The following NADK variants were observed in gnomAD, a reference collection of about 807,000 sequenced individuals.
NADK encodes NAD kinase, also known as poly(P)/ATP NAD kinase.
A neutral mutation model predicts 49.8 loss-of-function variants in NADK; 22 were observed. The ratio of observed to expected loss-of-function variants is 0.44; its 90% CI spans 0.32 to 0.63. NADK has a LOEUF of 0.63. NADK is among the 30% of genes least tolerant of loss of function. The probability of loss-of-function intolerance (pLI) is 0.06; values close to 1 mark genes in which losing one functional copy is unlikely to be tolerated. For missense variants in NADK, 438 were observed against 609.4 expected (o/e 0.72, Z 2.96); for synonymous variants, 268 against 253.7 (o/e 1.06, Z -0.54).
Position 1,754,840 on chromosome 1 carries a change from G to A in NADK, c.689-142C>T. On this transcript the variant is annotated intron_variant, in intron 7 of 11. Transcript: ENST00000341426. This position sits in a 1 kb window ranked among gnomAD's most constrained non-coding sequence, Gnocchi z 4.3. ...TTCTGTGCCTTTTTCTTTTTATTTTGAGATGGAGTCTCACTCTGTCACCCA... is the reference window on the plus strand; with the variant it reads ...TTCTGTGCCTTTTTCTTTTTATTTTAAGATGGAGTCTCACTCTGTCACCCA... 1.3e-6 allele frequency: 1 copy of A among 769,346 alleles called. No homozygotes were observed. Among genetic ancestry groups the A allele is most frequent in the South Asian group, 1.9e-5 (1 of 53,278 alleles). The allele number at this position is 769,346 out of a possible 1,614,324, so 47.7% of individuals were successfully genotyped here.
intron 1 of NADK, among the ~76,000 whole-genome samples, chr1:1,777,350 G>A (rs1646241497): frequency 6.6e-6 from 1 of 152,060 alleles, no homozygotes; most frequent in East Asian, 1.9e-4. Context: ...TATCTAACAA[G>A]GTGTTAAAGT....
rs1645829344 is a variant in NADK, at chr1:1,764,646, A to G, written c.179+582T>C. Among the ~76,000 whole-genome samples the G allele has an allele frequency of 2.0e-5, 3 of 152,216 alleles. No individual in the cohort carries two copies. In the South Asian group the frequency reaches 6.2e-4, roughly 31 times the overall value. On this transcript the variant is annotated intron_variant, in intron 2 of 11. Transcript: ENST00000341426. Reference sequence around the variant, plus strand: ...GCCAGGCACAGTGGCTTGCACCGGTAATCCCAGCACTTTGGGAGGCTGAGA... The same window carrying G: ...GCCAGGCACAGTGGCTTGCACCGGTGATCCCAGCACTTTGGGAGGCTGAGA...
At chr1:1,777,051 C>T (rs1001512655) in intron 1 of NADK, among the ~76,000 whole-genome samples, 3 of 152,128 alleles carry the variant, frequency 2.0e-5, no homozygotes, top group Non-Finnish European at 4.4e-5. Context: ...ATAAACACGC[C>T]TGGAGGACAG....
chr1:1,759,123 T>C, intron 3 of NADK: 3 of 1,552,802 alleles, frequency 1.9e-6, no homozygotes, highest in Non-Finnish European at 2.6e-6. Flanking sequence ...CCTACACCCA[T>C]TCCAGCCCTG....
chr1:1,755,412 A>G lies in NADK; in HGVS notation c.650T>C (p.Phe217Ser), dbSNP rs777644499. ...GSLGFLTPFSFENFQSQVTQV... is the reference protein window; with the variant it reads ...GSLGFLTPFSSENFQSQVTQV... Reference sequence around the variant, plus strand: ...AGTAACTTGGGACTGAAAGTTCTCAAAGCTGAATGGGGTCAGGAAGCCCAG... The same window carrying G: ...AGTAACTTGGGACTGAAAGTTCTCAGAGCTGAATGGGGTCAGGAAGCCCAG... Residue 217 changes from phenylalanine to serine, a missense_variant, in exon 7 of 12, where the codon TTT (phenylalanine) becomes TCT (serine). Physicochemically the swap from Phe to Ser is radical, Grantham distance 155 (BLOSUM62 -2). Transcript: ENST00000341426. 2 of 1,614,078 alleles carry G rather than the reference A, an allele frequency of 1.2e-6. No homozygotes were observed. Among genetic ancestry groups the G allele is most frequent in the Admixed American group, 3.3e-5 (2 of 60,022 alleles).
intron 1 of NADK, among the ~76,000 whole-genome samples, chr1:1,772,824 G>A (rs1382421305): frequency 2.0e-5 from 3 of 152,026 alleles, no homozygotes; most frequent in Non-Finnish European, 4.4e-5. Context: ...CGGATCACCT[G>A]AGGTCAGGAG....
At chr1:1,777,115 G>A (rs1323431808) in intron 1 of NADK, among the ~76,000 whole-genome samples, 1 of 152,142 alleles carries the variant, frequency 6.6e-6, no homozygotes. Flanking sequence ...AACATCTCGA[G>A]AGGACACCTC....
chr1:1,775,849 T>C lies in NADK; in HGVS notation c.-41+2440A>G, dbSNP rs373553864. On this transcript the variant is annotated intron_variant, in intron 1 of 11. Coordinates refer to ENST00000341426, the MANE Select transcript of NADK (RefSeq NM_023018.5). Reference sequence around the variant, plus strand: ...CTTTGCAATTGTGGGCCAGGAAAGATTGCAAATGATAAGCCACCAGCACAG... The same window carrying C: ...CTTTGCAATTGTGGGCCAGGAAAGACTGCAAATGATAAGCCACCAGCACAG... Among the ~76,000 whole-genome samples, 48 of 152,302 alleles carry C rather than the reference T, an allele frequency of 3.2e-4. 1 individual carries two copies. Among genetic ancestry groups the C allele is most frequent in the Admixed American group, 4.6e-4 (7 of 15,302 alleles).
At chr1:1,757,986 C>A (rs1440673262) in intron 3 of NADK, among the ~76,000 whole-genome samples, 3 of 152,208 alleles carry the variant, frequency 2.0e-5, no homozygotes, top group African/African-American at 7.2e-5. Context: ...ACAGGCAGGG[C>A]CCACCCCGGT....
chr1:1,754,294 C>T lies in NADK; in HGVS notation c.933G>A (p.Val311=). The T allele has an allele frequency of 6.2e-7, 1 of 1,613,774 alleles. No individual in the cohort carries two copies. The highest frequency in any genetic ancestry group is 1.1e-5 in the South Asian group (1 of 91,088). The part of the protein sequence containing the change: ...VYLDGHLITT[V]QGDGVIVSTP... ...TGCTGCGGGCCTTACCGTCGCCCTG[C>T]ACCGTGGTGATGAGGTGTCCGTCCA... is the stretch of plus-strand genomic sequence containing the variant. Residue 311 remains valine, a synonymous_variant, in exon 9 of 12, where the codon GTG becomes GTA. Coordinates refer to ENST00000341426, the MANE Select transcript of NADK (RefSeq NM_023018.5). This position sits in a 1 kb window ranked among gnomAD's most constrained non-coding sequence, Gnocchi z 4.3.
chr1:1,757,614 G>A (rs917910047), intron 3 of NADK, among the ~76,000 whole-genome samples: 10 of 152,012 alleles, frequency 6.6e-5, no homozygotes, highest in African/African-American at 2.4e-4. Flanking sequence ...CCCAGCCCCC[G>A]GCCACTTGCC....
intron 1 of NADK, among the ~76,000 whole-genome samples, chr1:1,769,285 G>A (rs979938033): frequency 2.6e-5 from 4 of 152,188 alleles, no homozygotes; most frequent in African/African-American, 4.8e-5. Flanking sequence ...GGTGGTTCAC[G>A]CCAGTAATCC....
intron 1 of NADK, among the ~76,000 whole-genome samples, chr1:1,771,380 G>A (rs912133751): frequency 2.0e-5 from 3 of 152,034 alleles, no homozygotes; most frequent in African/African-American, 7.2e-5. Flanking sequence ...CTTCTCTAAA[G>A]GAAAGGACAA....
At chr1:1,779,283 G>A (rs563951774), upstream of NADK, 3 of 152,592 alleles carry the variant, frequency 2.0e-5, no homozygotes, top group Non-Finnish European at 4.4e-5. Context: ...CCACAGGAGC[G>A]GACTTTGTAG....
At chr1:1,759,748 G>A (rs1218575523) in intron 3 of NADK, 1 of 1,554,948 alleles carries the variant, frequency 6.4e-7, no homozygotes, top group Admixed American at 1.9e-5. Context: ...TCCTCCTGCG[G>A]GGCTGTCTGG....
chr1:1,778,549 G>A (rs985778659), upstream of NADK: 10 of 151,044 alleles, frequency 6.6e-5, no homozygotes, highest in African/African-American at 2.4e-4. This position sits in a 1 kb window ranked among gnomAD's most constrained non-coding sequence, Gnocchi z 4.9. Flanking sequence ...CACCGGCGCC[G>A]GGACACCCCG....
intron 1 of NADK, among the ~76,000 whole-genome samples, chr1:1,773,126 T>G (rs879713113): frequency 6.6e-6 from 1 of 151,738 alleles, no homozygotes; most frequent in Non-Finnish European, 1.5e-5. Context: ...CAACTTCCTA[T>G]GAATTAGTCT....
intron 2 of NADK, 46 bp from the exon 3 acceptor site, chr1:1,762,081 A>T (rs747675165): frequency 2.7e-6 from 4 of 1,502,066 alleles, no homozygotes; most frequent in Admixed American, 1.7e-5. Context: ...CTGAAACCAG[A>T]CATGCAGTGA....
At chr1:1,763,209 G>A (rs1045386341) in intron 2 of NADK, among the ~76,000 whole-genome samples, 1 of 152,266 alleles carries the variant, frequency 6.6e-6, no homozygotes, top group African/African-American at 2.4e-5. Flanking sequence ...TACAGGCCGG[G>A]TGCAGTGACT....
Sources: allele counts gnomAD v4.1 joint callset (sites outside exome capture counted in the v4.1 genomes callset), GRCh38; gene constraint gnomAD v4.1.1; non-coding constraint Gnocchi (gnomAD v3.1); transcripts MANE v1.5; gene names NCBI Gene and HGNC (gene_info 2026-07-23, HGNC 2026-07-21).